The following CTNNA2 variants were observed in gnomAD, a reference collection of about 807,000 sequenced individuals.
CTNNA2 encodes the protein catenin alpha-2.
CTNNA2 carries 42 observed loss-of-function variants against 101.0 expected under a neutral mutation model. That is an observed-to-expected ratio of 0.42 (90% confidence interval 0.32 to 0.54). The LOEUF (loss-of-function observed/expected upper bound fraction) is 0.54. Ranked by LOEUF, CTNNA2 falls within the 20% of genes least tolerant of loss-of-function variation. The pLI is 0.14. For synonymous variants in CTNNA2, 450 were observed against 456.4 expected (o/e 0.99, Z 0.18); for missense variants, 871 against 1,223.1 (o/e 0.71, Z 4.29).
chr2:80,004,082 A>T (rs1693156982), intron 7 of CTNNA2, among the ~76,000 whole-genome samples: 1 of 152,166 alleles, frequency 6.6e-6, no homozygotes, highest in Non-Finnish European at 1.5e-5. Flanking sequence ...AACTGGTGAG[A>T]AAATAGAGGC....
chr2:79,462,502 C>G (rs1670890824), intron 4 of CTNNA2, among the ~76,000 whole-genome samples: 1 of 152,162 alleles, frequency 6.6e-6, no homozygotes, highest in Non-Finnish European at 1.5e-5. Context: ...CCTTAAGTGA[C>G]TATCTTTTGG....
intron 3 of CTNNA2, among the ~76,000 whole-genome samples, chr2:79,856,612 A>C (rs1391244142): frequency 6.6e-6 from 1 of 152,198 alleles, no homozygotes; most frequent in Non-Finnish European, 1.5e-5. Flanking sequence ...TTCACTCCCC[A>C]AAGTGGATAT....
chr2:80,648,460 C>A lies in CTNNA2; in HGVS notation c.*588C>A, dbSNP rs1275317059. 4 of 152,562 alleles carry A rather than the reference C, an allele frequency of 2.6e-5. No individual in the cohort carries two copies. The East Asian group carries it at 5.8e-4, about 22-fold the overall frequency. 9.5% of individuals were successfully genotyped at this position (152,562 alleles called of 1,614,324 possible). On this transcript the variant is annotated 3_prime_UTR_variant, in exon 19 of 19. Coordinates refer to ENST00000402739, the MANE Select transcript of CTNNA2 (RefSeq NM_001282597.3). ...TCTTTTAATCTGCATTCTGTTTCCT[C>A]TTCTAGTTGTGCCATTACTAGTGAT... is the stretch of plus-strand genomic sequence containing the variant.
At chr2:80,072,506 T>C (rs1247158494) in intron 7 of CTNNA2, among the ~76,000 whole-genome samples, 3 of 152,206 alleles carry the variant, frequency 2.0e-5, no homozygotes, top group Non-Finnish European at 4.4e-5. Flanking sequence ...TCTCTGTTTC[T>C]CCTGTCACAT....
intron 2 of CTNNA2, among the ~76,000 whole-genome samples, chr2:79,272,776 A>G (rs1675118088): frequency 6.6e-6 from 1 of 151,990 alleles, no homozygotes; most frequent in African/African-American, 2.4e-5. Context: ...CCAATGGCTG[A>G]ATTCTGTTTT....
At chr2:80,256,447 G>T (rs962861900) in intron 7 of CTNNA2, among the ~76,000 whole-genome samples, 1 of 152,052 alleles carries the variant, frequency 6.6e-6, no homozygotes, top group Non-Finnish European at 1.5e-5. Context: ...TGACAACATG[G>T]CAAGAAAATA....
At chr2:80,496,162 C>T (rs1178725582) in intron 9 of CTNNA2, among the ~76,000 whole-genome samples, 1 of 152,020 alleles carries the variant, frequency 6.6e-6, no homozygotes, top group Non-Finnish European at 1.5e-5. Context: ...TGATTGTGGA[C>T]TTCTTCCCTC....
At chr2:79,400,230 A>G (rs1343564903) in intron 4 of CTNNA2, among the ~76,000 whole-genome samples, 1 of 151,970 alleles carries the variant, frequency 6.6e-6, no homozygotes. Flanking sequence ...CAGAGGGGTG[A>G]CTTTGAGTTC....
At chr2:79,487,798 T>A (rs2104561897) in intron 4 of CTNNA2, among the ~76,000 whole-genome samples, 1 of 152,154 alleles carries the variant, frequency 6.6e-6, no homozygotes, top group South Asian at 2.1e-4. Flanking sequence ...AAAGAGAGAG[T>A]AATCAATGGT....
At chr2:79,397,726 T>C (rs919672984) in intron 4 of CTNNA2, among the ~76,000 whole-genome samples, 3 of 152,072 alleles carry the variant, frequency 2.0e-5, no homozygotes, top group African/African-American at 4.8e-5. Context: ...TGCAGTGGCA[T>C]GATCATAGCT....
At chr2:79,413,878 T>G (rs1178909486) in intron 4 of CTNNA2, among the ~76,000 whole-genome samples, 1 of 151,078 alleles carries the variant, frequency 6.6e-6, no homozygotes, top group African/African-American at 2.4e-5. Flanking sequence ...GAGAAATCTC[T>G]ATTGAAGTTC....
At chr2:79,656,134 C>T (rs1452508307) in intron 2 of CTNNA2, among the ~76,000 whole-genome samples, 1 of 152,020 alleles carries the variant, frequency 6.6e-6, no homozygotes, top group Non-Finnish European at 1.5e-5. Context: ...TGGGATTTTC[C>T]TTATGATATT....
At chr2:79,762,001 G>A (rs1672818124) in intron 3 of CTNNA2, among the ~76,000 whole-genome samples, 1 of 152,098 alleles carries the variant, frequency 6.6e-6, no homozygotes, top group South Asian at 2.1e-4. Context: ...TGATCTGAGA[G>A]CCCCATTGTA....
chr2:80,220,704 G>A (rs375727903), intron 7 of CTNNA2, among the ~76,000 whole-genome samples: 1 of 152,304 alleles, frequency 6.6e-6, no homozygotes, highest in South Asian at 2.1e-4. Context: ...CTTGCTGCTG[G>A]TGTAGGAGCC....
chr2:80,619,159 A>C lies in CTNNA2; in HGVS notation c.2505A>C (p.Gln835His), dbSNP rs1234464570. 1 of 1,574,762 alleles carries C rather than the reference A, an allele frequency of 6.4e-7. No individual in the cohort carries two copies. Among genetic ancestry groups the C allele is most frequent in the Non-Finnish European group, 8.6e-7 (1 of 1,159,470 alleles). ...TCATAGATGGGGGCAGGGCTAGTCA[A>C]CTTTCTACCCACCTCCCAACCTGTG... is the stretch of plus-strand genomic sequence containing the variant. The part of the protein sequence containing the change: ...CDVIDGGRAS[Q>H]LSTHLPTCAE... The change falls in exon 18 of 19, where the codon CAA becomes CAC. Residue 835 changes from glutamine to histidine, a missense_variant. Physicochemically the swap from Gln to His is conservative, Grantham distance 24 (BLOSUM62 0). This residue lies in a region of CTNNA2 where 65 missense variants were observed against 53.3 expected (regional missense o/e 1.22). Coordinates refer to ENST00000402739, the MANE Select transcript of CTNNA2 (RefSeq NM_001282597.3).
intron 7 of CTNNA2, among the ~76,000 whole-genome samples, chr2:80,059,352 G>A (rs956444732): frequency 1.3e-5 from 2 of 152,198 alleles, no homozygotes; most frequent in Admixed American, 1.3e-4. Context: ...AACAGTGTCT[G>A]ATACTTGTAG....
intron 1 of CTNNA2, among the ~76,000 whole-genome samples, chr2:79,569,217 GGTGAATGCACA>G (rs921392032): frequency 6.6e-6 from 1 of 152,146 alleles, no homozygotes; most frequent in Admixed American, 6.5e-5. Flanking sequence ...TAGCGTGACA[GGTGAATGCACA>G]GTGAATGACA....
chr2:79,537,011 CT>C (rs1673116962), intron 1 of CTNNA2, among the ~76,000 whole-genome samples: 2 of 152,158 alleles, frequency 1.3e-5, no homozygotes, highest in Non-Finnish European at 2.9e-5. Context: ...TCCTGTTTGC[CT>C]TTTGTTCTTC....
chr2:80,533,331 C>T (rs1038098788), intron 9 of CTNNA2, among the ~76,000 whole-genome samples: 9 of 152,042 alleles, frequency 5.9e-5, no homozygotes, highest in South Asian at 2.1e-4. Context: ...GCATCCCCTC[C>T]GCAAAAAAAA....
Sources: allele counts gnomAD v4.1 joint callset (sites outside exome capture counted in the v4.1 genomes callset), GRCh38; gene constraint gnomAD v4.1.1; regional missense constraint gnomAD v4.1.1; transcripts MANE v1.5; gene names NCBI Gene and HGNC (gene_info 2026-07-23, HGNC 2026-07-21).